The following MAPKBP1 variants were observed in gnomAD, a reference collection of about 807,000 sequenced individuals.
The protein encoded by MAPKBP1 is mitogen-activated protein kinase-binding protein 1.
Under a neutral mutation model 170.5 loss-of-function variants are expected in MAPKBP1, and 71 were observed. The ratio of observed to expected loss-of-function variants is 0.42; its 90% CI spans 0.34 to 0.51. The LOEUF is 0.51. Ranked by LOEUF, MAPKBP1 falls within the 20% of genes least tolerant of loss-of-function variation. The pLI is 0.06. For missense variants in MAPKBP1, 1,598 were observed against 1,933.0 expected (o/e 0.83, Z 3.25); for synonymous variants, 719 against 757.9 (o/e 0.95, Z 0.84).
In MAPKBP1 at chr15:41,812,586, G is replaced by A. The variant is rs1168191853; in HGVS notation, c.569G>A (p.Ser190Asn). ...GCAGTGTCCTTCTCTGAGGATTGCA[G>A]CTACTTTGTCACTGCAGGCAACCGA... Reference protein sequence around the residue: ...VTAVSFSEDCSYFVTAGNRHI... With the variant: ...VTAVSFSEDCNYFVTAGNRHI... The change falls in exon 7 of 31, where the codon AGC (serine) becomes AAC (asparagine). Residue 190 changes from serine (S) to asparagine (N), a missense_variant. Physicochemically the swap from Ser to Asn is conservative, Grantham distance 46. Around this residue, in one of 6 missense-constraint regions of MAPKBP1, gnomAD observed 430 missense variants for 617.2 expected, o/e 0.70. Transcript: ENST00000457542. 4 of 1,613,982 alleles carry A rather than the reference G, an allele frequency of 2.5e-6. No individual in the cohort carries two copies. The South Asian group carries it at 4.4e-5, about 18-fold the overall frequency.
chr15:41,799,031 A>G (rs946512705), intron 2 of MAPKBP1, among the ~76,000 whole-genome samples: 3 of 152,132 alleles, frequency 2.0e-5, no homozygotes, highest in Admixed American at 1.3e-4. Context: ...AGAAAGACCA[A>G]TGAATTAATT....
At chr15:41,808,718 T>C (rs2064750107) in intron 3 of MAPKBP1, among the ~76,000 whole-genome samples, 1 of 151,862 alleles carries the variant, frequency 6.6e-6, no homozygotes, top group Admixed American at 6.6e-5. Context: ...TCAGGTGATC[T>C]GCCTGTCTCA....
chr15:41,775,571 G>T (rs929929196), intron 2 of MAPKBP1, among the ~76,000 whole-genome samples, 182 bp downstream of exon 2: 1 of 152,206 alleles, frequency 6.6e-6, no homozygotes, highest in Non-Finnish European at 1.5e-5. Context: ...GCAGGGGTGG[G>T]CATGCTGAGA....
At chr15:41,790,282 A>T (rs2064372405) in intron 2 of MAPKBP1, among the ~76,000 whole-genome samples, 2 of 152,326 alleles carry the variant, frequency 1.3e-5, no homozygotes, top group South Asian at 4.1e-4. Flanking sequence ...AGTAGTTCCC[A>T]ATCTGGTAAT....
intron 1 of MAPKBP1, 171 bp from the exon 2 acceptor site, chr15:41,774,995 AT>A (rs1439392863): frequency 1.7e-5 from 8 of 481,058 alleles, no homozygotes; most frequent in South Asian, 8.1e-5. Flanking sequence ...GTGGCTTAGG[AT>A]TTTCCCCCCC....
chr15:41,788,975 A>G (rs1301896732), intron 2 of MAPKBP1, among the ~76,000 whole-genome samples: 1 of 152,156 alleles, frequency 6.6e-6, no homozygotes, highest in Non-Finnish European at 1.5e-5. Flanking sequence ...GCATGAAGTG[A>G]GCATTTTGTA....
At chr15:41,801,143 C>G (rs1299341589) in intron 3 of MAPKBP1, among the ~76,000 whole-genome samples, 4 of 152,218 alleles carry the variant, frequency 2.6e-5, no homozygotes, top group Non-Finnish European at 4.4e-5. Context: ...TTTATCTATT[C>G]TTCAGTTGAT....
At position 41,816,877 on chromosome 15, in the gene MAPKBP1, A is replaced by T. The variant is rs182487924; in HGVS notation, c.1586-33A>T. ...GGCCCAGATAAGGGCTGTTCAGGGC[A>T]CTCATGGGCTGATGGAGTTCTTTCA... On this transcript the variant is annotated intron_variant, in intron 13 of 30. Transcript: ENST00000457542. 5.7e-4 allele frequency: 897 copies of T among 1,575,196 alleles called. 2 individuals carry two copies. Among genetic ancestry groups the T allele is most frequent in the Non-Finnish European group, 6.2e-4 (716 of 1,157,012 alleles).
chr15:41,805,475 C>A (rs976596714), intron 3 of MAPKBP1, among the ~76,000 whole-genome samples: 7 of 152,208 alleles, frequency 4.6e-5, no homozygotes, highest in African/African-American at 1.7e-4. Context: ...GCCAGAATGG[C>A]CTGGGTGAGT....
chr15:41,798,813 G>T (rs1346693125), intron 2 of MAPKBP1, among the ~76,000 whole-genome samples: 1 of 152,176 alleles, frequency 6.6e-6, no homozygotes, highest in Non-Finnish European at 1.5e-5. Flanking sequence ...TGTCTAGCCT[G>T]TTCACATGTC....
At chr15:41,777,968 T>G (rs2064125013) in intron 2 of MAPKBP1, among the ~76,000 whole-genome samples, 1 of 152,228 alleles carries the variant, frequency 6.6e-6, no homozygotes, top group African/African-American at 2.4e-5. Flanking sequence ...AGCCTTCTCC[T>G]TTACACCAAA....
chr15:41,783,851 C>T (rs746114162), intron 2 of MAPKBP1, among the ~76,000 whole-genome samples: 4 of 152,052 alleles, frequency 2.6e-5, no homozygotes, highest in Non-Finnish European at 5.9e-5. Context: ...CTACTAAAAA[C>T]ACAAAAAATC....
Position 41,825,315 on chromosome 15 carries a change from T to C in MAPKBP1, c.4406T>C (p.Val1469Ala), listed in dbSNP as rs1239195861. 6.2e-7 allele frequency: 1 copy of C among 1,613,288 alleles called. No homozygotes were observed. The highest frequency in any genetic ancestry group is 1.7e-5 in the Admixed American group (1 of 60,020). Residue 1469 changes from valine to alanine, a missense_variant, in exon 31 of 31, where the codon GTG becomes GCG. Transcript: ENST00000457542. ...RQELEAVAGA[V>A]LSSPGSSPGA... ...GAGCTGGAAGCTGTGGCTGGGGCAG[T>C]GCTGTCCAGCCCAGGCAGCAGCCCT...
chr15:41,780,899 T>G (rs887464308), intron 2 of MAPKBP1, among the ~76,000 whole-genome samples: 2 of 152,160 alleles, frequency 1.3e-5, no homozygotes, highest in African/African-American at 4.8e-5. Flanking sequence ...TTTCAACAGT[T>G]ATAGCAACAG....
Position 41,823,004 on chromosome 15 carries a change from C to T in MAPKBP1, c.3380C>T (p.Ser1127Phe). Residue 1127 changes from serine (S) to phenylalanine (F), a missense_variant, in exon 28 of 31, where the codon TCT becomes TTT. Transcript: ENST00000457542. ...MSRPAQVPQA[S>F]GEQPRGNGAN... ...AGACCAGCCCAGGTGCCACAGGCAT[C>T]TGGTGAGCAGCCGAGAGGCAATGGT... 1 of 1,614,040 alleles carries T rather than the reference C, an allele frequency of 6.2e-7. No homozygotes were observed. The highest frequency in any genetic ancestry group is 1.3e-5 in the African/African-American group (1 of 75,040).
chr15:41,782,874 C>G (rs1596062481), intron 2 of MAPKBP1, among the ~76,000 whole-genome samples: 1 of 152,204 alleles, frequency 6.6e-6, no homozygotes, highest in East Asian at 1.9e-4. Context: ...ATGAATTTCT[C>G]AGACTATTAT....
intron 2 of MAPKBP1, among the ~76,000 whole-genome samples, chr15:41,791,455 C>T (rs2064394544): frequency 6.6e-6 from 1 of 152,198 alleles, no homozygotes; most frequent in Non-Finnish European, 1.5e-5. Context: ...GTTGTGGGTC[C>T]AAGCAGGAAG....
intron 8 of MAPKBP1, 191 bp downstream of exon 8, chr15:41,813,292 C>G: frequency 6.5e-7 from 1 of 1,528,642 alleles, no homozygotes; most frequent in Non-Finnish European, 9.1e-7. Flanking sequence ...CCTCTCTGCT[C>G]TTTCTGTCTC....
At chr15:41,775,665 AGCCAGTTGATAT>A (rs1373404489) in intron 2 of MAPKBP1, among the ~76,000 whole-genome samples, 28 of 152,358 alleles carry the variant, frequency 1.8e-4, no homozygotes, top group African/African-American at 6.5e-4. Flanking sequence ...GTGCTTGGGA[AGCCAGTTGATAT>A]GCTATGACTC....
Sources: allele counts gnomAD v4.1 joint callset (sites outside exome capture counted in the v4.1 genomes callset), GRCh38; gene constraint gnomAD v4.1.1; regional missense constraint gnomAD v4.1.1; transcripts MANE v1.5; gene names NCBI Gene and HGNC (gene_info 2026-07-23, HGNC 2026-07-21).